Variants in RBFOX1 observed in about 807,000 individuals in gnomAD.
RBFOX1 encodes the protein RNA binding protein fox-1 homolog 1.
Under a neutral mutation model 57.7 loss-of-function variants are expected in RBFOX1, and 8 were observed. That is an observed-to-expected ratio of 0.14 (90% CI 0.08 to 0.25). The LOEUF is 0.25. RBFOX1 is among the 10% of genes least tolerant of loss of function. The pLI is 1.00. For synonymous variants in RBFOX1, 326 were observed against 222.4 expected (o/e 1.47, Z -4.15); for missense variants, 611 against 548.5 (o/e 1.11, Z -1.14).
At chr16:6,795,357 C>G (rs1042090713) in intron 3 of RBFOX1, among the ~76,000 whole-genome samples, 8 of 152,120 alleles carry the variant, frequency 5.3e-5, no homozygotes, top group African/African-American at 1.9e-4. Flanking sequence ...TTGCATTTCA[C>G]CCGAGTCCAC....
At chr16:5,862,413 G>A (rs2057242762) in intron 3 of RBFOX1, among the ~76,000 whole-genome samples, 1 of 152,150 alleles carries the variant, frequency 6.6e-6, no homozygotes, top group Admixed American at 6.5e-5. Context: ...TTGCTGCCTG[G>A]CGGGTCGCTT....
chr16:6,587,771 G>A (rs2097650724), intron 2 of RBFOX1, among the ~76,000 whole-genome samples: 1 of 152,138 alleles, frequency 6.6e-6, no homozygotes. Context: ...AAAACACACA[G>A]TGAAAACCCA....
At chr16:6,826,024 C>A (rs1234443081) in intron 3 of RBFOX1, among the ~76,000 whole-genome samples, 1 of 152,124 alleles carries the variant, frequency 6.6e-6, no homozygotes, top group South Asian at 2.1e-4. Context: ...CCGACCACAT[C>A]GTGGTGATGT....
chr16:5,927,191 A>G (rs2058956613), intron 4 of RBFOX1, among the ~76,000 whole-genome samples: 1 of 152,232 alleles, frequency 6.6e-6, no homozygotes, highest in Non-Finnish European at 1.5e-5. Context: ...AAACAATGTT[A>G]CTAAATTCTA....
chr16:5,915,732 T>C (rs1352775057), intron 4 of RBFOX1, among the ~76,000 whole-genome samples: 1 of 152,018 alleles, frequency 6.6e-6, no homozygotes, highest in Non-Finnish European at 1.5e-5. Context: ...CTCCGGAGGC[T>C]GAGGCGCGAA....
At chr16:7,163,759 C>G (rs570106569) in intron 4 of RBFOX1, among the ~76,000 whole-genome samples, 1 of 152,164 alleles carries the variant, frequency 6.6e-6, no homozygotes, top group East Asian at 1.9e-4. Flanking sequence ...TGGGTTCAAG[C>G]GAATCTCCCA....
At chr16:6,364,829 G>T (rs190178896) in intron 2 of RBFOX1, among the ~76,000 whole-genome samples, 50 of 152,330 alleles carry the variant, frequency 3.3e-4, no homozygotes, top group Admixed American at 1.3e-3. Flanking sequence ...TGACTTGGGA[G>T]AGAGTAACTG....
chr16:6,745,437 A>T (rs767205468), intron 3 of RBFOX1, among the ~76,000 whole-genome samples: 1 of 152,210 alleles, frequency 6.6e-6, no homozygotes, highest in Non-Finnish European at 1.5e-5. Flanking sequence ...TGACACATGA[A>T]AAGGATACTA....
At chr16:6,450,492 G>A (rs2094566968) in intron 2 of RBFOX1, among the ~76,000 whole-genome samples, 1 of 151,296 alleles carries the variant, frequency 6.6e-6, no homozygotes, top group African/African-American at 2.4e-5. Flanking sequence ...CTTCCATGCC[G>A]ATTGGTAGGA....
chr16:7,531,166 C>T (rs1408358171), intron 5 of RBFOX1, among the ~76,000 whole-genome samples: 1 of 152,132 alleles, frequency 6.6e-6, no homozygotes, highest in Non-Finnish European at 1.5e-5. Context: ...AGTTGCAAAT[C>T]ATACAATCCA....
chr16:6,127,999 A>G (rs961966281), intron 1 of RBFOX1, among the ~76,000 whole-genome samples: 3 of 152,124 alleles, frequency 2.0e-5, no homozygotes, highest in Admixed American at 6.5e-5. Flanking sequence ...TCAAATTTTA[A>G]TGTGCTTAAA....
At chr16:6,002,968 T>A (rs1010036041) in intron 4 of RBFOX1, among the ~76,000 whole-genome samples, 2 of 152,138 alleles carry the variant, frequency 1.3e-5, no homozygotes, top group Non-Finnish European at 2.9e-5. Flanking sequence ...TCAATTTTCC[T>A]CGTTGGGGGA....
chr16:5,781,553 G>C (rs1472147580), intron 3 of RBFOX1, among the ~76,000 whole-genome samples: 1 of 152,202 alleles, frequency 6.6e-6, no homozygotes. Flanking sequence ...GATCCAAGCA[G>C]TAAATATTTT....
At chr16:6,967,205 C>T (rs1337361708) in intron 3 of RBFOX1, among the ~76,000 whole-genome samples, 1 of 152,048 alleles carries the variant, frequency 6.6e-6, no homozygotes, top group Non-Finnish European at 1.5e-5. Flanking sequence ...TACATTGATC[C>T]ATCTCTCCAT....
chr16:7,130,778 G>A (rs568465582), intron 4 of RBFOX1, among the ~76,000 whole-genome samples: 12 of 152,174 alleles, frequency 7.9e-5, no homozygotes, highest in South Asian at 4.2e-4. Flanking sequence ...TTTTGTCAAC[G>A]CATTTCTTTT....
chr16:7,049,868 A>G (rs376358573), intron 3 of RBFOX1, among the ~76,000 whole-genome samples: 27 of 152,328 alleles, frequency 1.8e-4, no homozygotes, highest in African/African-American at 6.0e-4. Context: ...TACACATAAA[A>G]TAAAATTTAC....
intron 4 of RBFOX1, among the ~76,000 whole-genome samples, chr16:5,935,209 T>C (rs1211557390): frequency 6.6e-6 from 1 of 152,118 alleles, no homozygotes. Flanking sequence ...ATCTAAAAAA[T>C]GGAAAATTTG....
At chr16:5,874,914 C>G (rs2151908714) in intron 4 of RBFOX1, among the ~76,000 whole-genome samples, 1 of 152,198 alleles carries the variant, frequency 6.6e-6, no homozygotes, top group African/African-American at 2.4e-5. Context: ...CCACTGGACC[C>G]CTGTCTTGGT....
At chr16:6,345,802 C>G (rs1256075480) in intron 2 of RBFOX1, among the ~76,000 whole-genome samples, 1 of 152,196 alleles carries the variant, frequency 6.6e-6, no homozygotes, top group Non-Finnish European at 1.5e-5. Flanking sequence ...GTGACACGGC[C>G]TCAGGAGGTC....
Sources: allele counts gnomAD v4.1 joint callset (sites outside exome capture counted in the v4.1 genomes callset), GRCh38; gene constraint gnomAD v4.1.1; transcripts MANE v1.5; gene names NCBI Gene and HGNC (gene_info 2026-07-23, HGNC 2026-07-21).